Variants in CLIC5 observed in about 807,000 individuals in gnomAD.
CLIC5 encodes the protein CLIC family member 5.
A neutral mutation model predicts 24.7 loss-of-function variants in CLIC5; 20 were observed. That is an observed-to-expected ratio of 0.81 (90% CI 0.57 to 1.18). The LOEUF (loss-of-function observed/expected upper bound fraction) is 1.18, where lower values mean the gene tolerates loss of function less well. Ranked by LOEUF, CLIC5 falls within the 50% of genes most tolerant of loss-of-function variation. The pLI, the probability that CLIC5 is intolerant of heterozygous loss-of-function variation, is 0.00. For missense variants in CLIC5, 341 were observed against 326.1 expected (o/e 1.05, Z -0.35); for synonymous variants, 159 against 135.6 (o/e 1.17, Z -1.20).
intron 4 of CLIC5, chr6:45,932,555 G>C (rs936358666): frequency 2.0e-5 from 3 of 152,366 alleles, no homozygotes; most frequent in Non-Finnish European, 2.9e-5. Context: ...TGTGACCCCC[G>C]GGGTAGGGAG....
At chr6:45,920,720 A>T in intron 4 of CLIC5, 6 of 941,312 alleles carry the variant, frequency 6.4e-6, no homozygotes, top group Non-Finnish European at 7.6e-6. Context: ...ACTGAGAGAG[A>T]TCAGATGGAC....
At chr6:45,894,128 T>C (rs145920795), downstream of CLIC5, among the ~76,000 whole-genome samples, 685 of 152,290 alleles carry the variant, frequency 4.5e-3, 3 homozygotes, top group Non-Finnish European at 6.8e-3. Context: ...AACACATGGT[T>C]AAATAAAGAG....
In CLIC5 at chr6:46,024,222, G is replaced by A. The variant is rs182219015; in HGVS notation, c.540+55481C>T. 3.6e-3 allele frequency among the ~76,000 whole-genome samples: 554 copies of A among 152,212 alleles called. 5 individuals are homozygous for A. The highest frequency in any genetic ancestry group is 0.024 in the South Asian group (114 of 4,824). On this transcript the variant is annotated intron_variant, in intron 1 of 5. Transcript: ENST00000185206. ...GACAACTAGATTCCATTTGCCTTGA[G>A]TTACCCAGTTTCCTTGGGGATCTAC...
chr6:45,949,271 G>T lies in CLIC5; in HGVS notation c.284C>A (p.Thr95Asn), dbSNP rs1263447658. The T allele has an allele frequency of 1.9e-6, 3 of 1,613,572 alleles. No homozygotes were observed. Among genetic ancestry groups the T allele is most frequent in the South Asian group, 1.1e-5 (1 of 91,014 alleles). ...AGATCCTTACTTTTCAGGGGTCAAG[G>T]TCTCCTCCAGGAACTCCTCGATCTT... Reference protein sequence around the residue: ...VNKIEEFLEETLTPEKYPKLA... With the variant: ...VNKIEEFLEENLTPEKYPKLA... Residue 95 changes from threonine to asparagine, a missense_variant, in exon 3 of 6, where the codon ACC (threonine) becomes AAC (asparagine). Coordinates refer to ENST00000339561, the MANE Select transcript of CLIC5 (RefSeq NM_016929.5).
intron 1 of CLIC5, among the ~76,000 whole-genome samples, chr6:46,061,524 T>G (rs1762284187): frequency 6.6e-6 from 1 of 152,202 alleles, no homozygotes; most frequent in South Asian, 2.1e-4. Flanking sequence ...GGTGGTCAAG[T>G]GCACTGTCCT....
chr6:45,884,877 A>G (rs1762291648), intron 6 of CLIC5, among the ~76,000 whole-genome samples: 1 of 151,152 alleles, frequency 6.6e-6, no homozygotes, highest in Non-Finnish European at 1.5e-5. Context: ...CAACTCCTTC[A>G]TCTGTCCGGA....
At chr6:45,924,384 C>A (rs942733376) in intron 4 of CLIC5, among the ~76,000 whole-genome samples, 2 of 152,164 alleles carry the variant, frequency 1.3e-5, no homozygotes, top group East Asian at 3.9e-4. Flanking sequence ...CCTCCCTCCC[C>A]CTTGCTCAGA....
intron 4 of CLIC5, among the ~76,000 whole-genome samples, chr6:45,926,673 CTG>C (rs1763512493): frequency 6.6e-6 from 1 of 152,070 alleles, no homozygotes; most frequent in Non-Finnish European, 1.5e-5. Flanking sequence ...ATTTAGCCTT[CTG>C]TGTTTTCTCT....
chr6:46,098,451 T>A, the CLIC5 span, among the ~76,000 whole-genome samples: 1 of 152,238 alleles, frequency 6.6e-6, no homozygotes, highest in African/African-American at 2.4e-5. Context: ...CTGGCCACCA[T>A]AGCTGGTTTA....
chr6:46,038,979 T>C (rs1767735546), intron 1 of CLIC5, among the ~76,000 whole-genome samples: 1 of 152,202 alleles, frequency 6.6e-6, no homozygotes, highest in East Asian at 1.9e-4. Flanking sequence ...AAGAATATCA[T>C]TAAATGCATA....
intron 5 of CLIC5, chr6:45,912,074 G>A (rs184398918): frequency 1.0e-6 from 1 of 985,938 alleles, no homozygotes; most frequent in East Asian, 1.1e-4. Context: ...CGTTCGCAGG[G>A]ACTTCCATGC....
At chr6:45,931,598 G>A (rs370570768) in intron 4 of CLIC5, among the ~76,000 whole-genome samples, 2 of 152,170 alleles carry the variant, frequency 1.3e-5, no homozygotes, top group Non-Finnish European at 2.9e-5. Context: ...CAAAATATGA[G>A]AGGTTAAGTG....
chr6:45,977,888 G>T (rs1489818451), intron 1 of CLIC5, among the ~76,000 whole-genome samples: 2 of 152,192 alleles, frequency 1.3e-5, no homozygotes. Context: ...TGTGTGGGGT[G>T]CTGTTCTAGG....
intron 1 of CLIC5, among the ~76,000 whole-genome samples, chr6:45,978,099 G>A (rs1765443847): frequency 6.6e-6 from 1 of 152,222 alleles, no homozygotes; most frequent in African/African-American, 2.4e-5. Context: ...TTGCTCCTCA[G>A]TAAAGTAGAA....
chr6:45,991,989 T>A (rs1338471), intron 1 of CLIC5, among the ~76,000 whole-genome samples: 1 of 152,010 alleles, frequency 6.6e-6, no homozygotes, highest in Non-Finnish European at 1.5e-5. Context: ...AAACAACTTA[T>A]GATCATAGCA....
At chr6:46,103,622 T>G in the CLIC5 span, among the ~76,000 whole-genome samples, 1 of 149,140 alleles carries the variant, frequency 6.7e-6, no homozygotes, top group South Asian at 2.2e-4. Flanking sequence ...CCATTCTTTC[T>G]GCAACCTCAG....
chr6:46,088,026 C>T, the CLIC5 span, among the ~76,000 whole-genome samples: 1 of 151,960 alleles, frequency 6.6e-6, no homozygotes, highest in Non-Finnish European at 1.5e-5. Flanking sequence ...CTACCTTTGA[C>T]AGTTTTATTT....
At chr6:46,000,635 T>C (rs56185912) in intron 1 of CLIC5, among the ~76,000 whole-genome samples, 3 of 152,112 alleles carry the variant, frequency 2.0e-5, no homozygotes, top group African/African-American at 7.2e-5. Flanking sequence ...TCAGGAAACT[T>C]ACAATCATGG....
At chr6:46,119,330 G>A in the CLIC5 span, among the ~76,000 whole-genome samples, 1 of 152,178 alleles carries the variant, frequency 6.6e-6, no homozygotes, top group Non-Finnish European at 1.5e-5. Context: ...CTCCTTTTGG[G>A]ACTCTTTTAT....
Sources: allele counts gnomAD v4.1 joint callset (sites outside exome capture counted in the v4.1 genomes callset), GRCh38; gene constraint gnomAD v4.1.1; transcripts MANE v1.5; gene names NCBI Gene and HGNC (gene_info 2026-07-23, HGNC 2026-07-21).